BCR: variants seen among roughly 807,000 people sequenced by gnomAD.
BCR encodes breakpoint cluster region protein.
BCR carries 58 observed loss-of-function variants against 138.6 expected under a neutral mutation model. That is an observed-to-expected ratio of 0.42 (90% confidence interval 0.34 to 0.52). The LOEUF is 0.52. Ranked by LOEUF, BCR falls within the 20% of genes least tolerant of loss-of-function variation. The pLI, the probability that BCR is intolerant of heterozygous loss-of-function variation, is 0.06. For missense variants in BCR, 1,599 were observed against 1,727.2 expected (o/e 0.93, Z 1.32); for synonymous variants, 786 against 730.1 (o/e 1.08, Z -1.23).
chr22:23,229,887 G>A (rs2072936367), intron 1 of BCR, among the ~76,000 whole-genome samples: 1 of 152,142 alleles, frequency 6.6e-6, no homozygotes, highest in South Asian at 2.1e-4. Flanking sequence ...AGTGGAAAGA[G>A]TCCACGGGTC....
In BCR at chr22:23,289,632, CCGTTT is replaced by C; in HGVS notation, c.2707+13_2707+17del. The C allele has an allele frequency of 1.2e-6, 2 of 1,609,760 alleles. No individual in the cohort carries two copies. The highest frequency in any genetic ancestry group is 8.5e-7 in the Non-Finnish European group (1 of 1,176,130). On this transcript the variant is annotated intron_variant, in intron 13 of 22. Transcript: ENST00000305877. The stretch of plus-strand genomic sequence containing the variant: ...CCATCAATAAGGAAGGTGGGCCCCC[CCGTTT>C]CCGTGTACAGGGCACCTGCAGGGAG...
At chr22:23,263,024 T>C (rs1344038750) in intron 4 of BCR, 10 of 774,784 alleles carry the variant, frequency 1.3e-5, no homozygotes, top group Non-Finnish European at 1.5e-5. Context: ...GAAGAAAGTA[T>C]GGGAAGGAGG....
At chr22:23,235,630 G>C (rs1464407939) in intron 1 of BCR, among the ~76,000 whole-genome samples, 5 of 152,196 alleles carry the variant, frequency 3.3e-5, no homozygotes, top group African/African-American at 1.2e-4. Flanking sequence ...GTGCATGTCA[G>C]ATTTTTTCAA....
chr22:23,189,433 G>C (rs2072387044), intron 1 of BCR, among the ~76,000 whole-genome samples: 1 of 152,056 alleles, frequency 6.6e-6, no homozygotes. Context: ...TCCTGTGTCT[G>C]GCTGATTTCA....
At chr22:23,259,125 G>A (rs1389517590) in intron 2 of BCR, among the ~76,000 whole-genome samples, 14 of 152,256 alleles carry the variant, frequency 9.2e-5, no homozygotes, top group Non-Finnish European at 2.1e-4. Context: ...GGCGATTTCT[G>A]TGGCCTTTGG....
chr22:23,279,416 C>G (rs964570706), intron 8 of BCR, among the ~76,000 whole-genome samples: 2 of 152,230 alleles, frequency 1.3e-5, no homozygotes, highest in Admixed American at 6.5e-5. Context: ...CCTCCTTGCT[C>G]CTGGTCCCAC....
At chr22:23,183,968 G>A (rs1051418297) in intron 1 of BCR, among the ~76,000 whole-genome samples, 15 of 152,208 alleles carry the variant, frequency 9.9e-5, no homozygotes, top group African/African-American at 3.4e-4. Flanking sequence ...GGAAATGGCT[G>A]AGGAGGTAAT....
At chr22:23,189,083 C>T (rs983316902) in intron 1 of BCR, among the ~76,000 whole-genome samples, 2 of 152,102 alleles carry the variant, frequency 1.3e-5, no homozygotes, top group Non-Finnish European at 2.9e-5. Context: ...TGGTCTTGAA[C>T]TCCTGACCTC....
rs185539475 is a variant in BCR at position 23,200,568 on chromosome 22, T to A, written c.1279+18329T>A. ...TAACTTTTTTTTAATTAAAAAAAAA[T>A]TTTTTTTGAAACAAGGTCTCACTCT... On this transcript the variant is annotated intron_variant, in intron 1 of 22. Coordinates refer to ENST00000305877, the MANE Select transcript of BCR (RefSeq NM_004327.4). Among the ~76,000 whole-genome samples, 670 of 151,792 alleles carry A rather than the reference T, an allele frequency of 4.4e-3. 4 individuals are homozygous for A. The highest frequency in any genetic ancestry group is 0.015 in the African/African-American group (625 of 41,394).
chr22:23,283,533 C>T (rs2073674565), intron 8 of BCR: 1 of 166,992 alleles, frequency 6.0e-6, no homozygotes, highest in Admixed American at 6.4e-5. Context: ...GAAATACCTG[C>T]TCCTGGCATG....
intron 15 of BCR, among the ~76,000 whole-genome samples, chr22:23,294,597 G>GC (rs1177462408): frequency 2.0e-5 from 3 of 152,134 alleles, no homozygotes; most frequent in African/African-American, 7.2e-5. Context: ...ATGGGGTTTC[G>GC]CCATGTTGGC....
At chr22:23,246,438 G>A (rs1239660107) in intron 1 of BCR, among the ~76,000 whole-genome samples, 2 of 152,136 alleles carry the variant, frequency 1.3e-5, no homozygotes, top group Admixed American at 1.3e-4. Context: ...TGTGAATAAT[G>A]CTTCTGTGAA....
At position 23,295,050 on chromosome 22, in the gene BCR, C is replaced by T; in HGVS notation, c.2907C>T (p.Ser969=). 1 of 1,614,066 alleles carries T rather than the reference C, an allele frequency of 6.2e-7. No individual in the cohort carries two copies. Among genetic ancestry groups the T allele is most frequent in the East Asian group, 2.2e-5 (1 of 44,868 alleles). The change falls in exon 16 of 23, where the codon TCC becomes TCT. Residue 969 remains serine, a synonymous_variant. Transcript: ENST00000305877. ...AATTTGAGATAGAGCTGGAGGGCTC[C>T]CAGACCCTGAGGATACTGTGCTATG... ...NEEFEIELEG[S]QTLRILCYEK... is the part of the protein sequence containing the mutation.
chr22:23,287,516 G>A (rs1463218343), intron 11 of BCR, among the ~76,000 whole-genome samples: 2 of 152,236 alleles, frequency 1.3e-5, no homozygotes, highest in African/African-American at 4.8e-5. Context: ...GGAGGGTATA[G>A]GGCAGGGGAG....
At position 23,315,514 on chromosome 22, in the gene BCR, G is replaced by A. The variant is rs768833424; in HGVS notation, c.3808G>A (p.Glu1270Lys). Residue 1270 changes from glutamate (E) to lysine (K), a missense_variant, in exon 23 of 23, where the codon GAA becomes AAA. Physicochemically the swap from Glu to Lys is moderately conservative, Grantham distance 56. Coordinates refer to ENST00000305877, the MANE Select transcript of BCR (RefSeq NM_004327.4). The part of the protein sequence containing the change: ...SKRQSILFST[E>K]V ...GAGACAGAGCATCCTGTTCTCCACC[G>A]AAGTCTAAAGGTCCCAGTCCATCTC... 7.8e-5 allele frequency: 125 copies of A among 1,612,068 alleles called. No homozygotes were observed. Among genetic ancestry groups the A allele is most frequent in the Non-Finnish European group, 8.0e-5 (94 of 1,179,954 alleles).
At chr22:23,244,647 C>T (rs56391288) in intron 1 of BCR, among the ~76,000 whole-genome samples, 3,534 of 152,320 alleles carry the variant, frequency 0.023, 64 homozygotes, top group Non-Finnish European at 0.027. Flanking sequence ...GTGCGGTGCT[C>T]ACCATTCCAT....
chr22:23,281,743 T>C (rs968271749), intron 8 of BCR, among the ~76,000 whole-genome samples: 1 of 152,164 alleles, frequency 6.6e-6, no homozygotes, highest in African/African-American at 2.4e-5. Context: ...AGTCCACTGT[T>C]CGAGCCTCCC....
chr22:23,312,930 C>T lies in BCR; in HGVS notation c.3366C>T (p.Asn1122=), dbSNP rs769706692. The T allele has an allele frequency of 1.3e-4, 201 of 1,590,556 alleles. 2 individuals are homozygous for T. The highest frequency in any genetic ancestry group is 1.1e-3 in the Admixed American group (64 of 59,986). The stretch of plus-strand genomic sequence containing the variant: ...TGATGATGAGCGAGATGGACGTGAA[C>T]GCCATCGCAGGCACGCTGAAGCTGT... ...VSVMMSEMDV[N]AIAGTLKLYF... is the part of the protein sequence containing the mutation. Residue 1122 remains asparagine (N), a synonymous_variant, in exon 20 of 23, where the codon AAC becomes AAT. Transcript: ENST00000305877.
At chr22:23,187,102 G>A (rs558522893) in intron 1 of BCR, among the ~76,000 whole-genome samples, 25 of 152,254 alleles carry the variant, frequency 1.6e-4, no homozygotes, top group African/African-American at 5.3e-4. Flanking sequence ...CTGGTTCTGA[G>A]CTTTACACAT....
Sources: allele counts gnomAD v4.1 joint callset (sites outside exome capture counted in the v4.1 genomes callset), GRCh38; gene constraint gnomAD v4.1.1; transcripts MANE v1.5; gene names NCBI Gene and HGNC (gene_info 2026-07-23, HGNC 2026-07-21).